Variants in FAM227B observed in about 807,000 individuals in gnomAD.
FAM227B encodes family with sequence similarity 227 member B.
A neutral mutation model predicts 73.8 loss-of-function variants in FAM227B; 88 were observed. The observed-to-expected ratio is 1.19, with a 90% CI of 1.00 to 1.42. FAM227B has a LOEUF of 1.42. Among genes scored for constraint, FAM227B ranks in the 40% most tolerant of loss-of-function variants. The pLI, the probability that FAM227B is intolerant of heterozygous loss-of-function variation, is 0.00. For synonymous variants in FAM227B, 210 were observed against 190.5 expected, an observed-to-expected ratio of 1.10 and a Z score of -0.84; for missense variants, 632 against 590.9, an observed-to-expected ratio of 1.07 and a Z score of -0.72.
intron 11 of FAM227B, among the ~76,000 whole-genome samples, chr15:49,402,912 G>A (rs974558455): frequency 1.3e-5 from 2 of 152,114 alleles, no homozygotes; most frequent in African/African-American, 4.8e-5. Context: ...TATTGGCTGT[G>A]GGTCTGTCAT....
intron 5 of FAM227B, among the ~76,000 whole-genome samples, chr15:49,583,276 A>G (rs571960256): frequency 6.6e-6 from 1 of 152,204 alleles, no homozygotes; most frequent in East Asian, 1.9e-4. Context: ...TCAAATAAAC[A>G]CAATCAGAAA....
chr15:49,476,845 G>A (rs530204073), intron 11 of FAM227B, among the ~76,000 whole-genome samples: 1 of 152,096 alleles, frequency 6.6e-6, no homozygotes, highest in East Asian at 1.9e-4. Flanking sequence ...AGATCACAAG[G>A]TCAGGAGATT....
At chr15:49,489,873 T>TA (rs2056889537) in intron 11 of FAM227B, among the ~76,000 whole-genome samples, 3 of 15,882 alleles carry the variant, frequency 1.9e-4, no homozygotes, top group East Asian at 2.2e-3. Flanking sequence ...TATATATATA[T>TA]ATATATATAT....
chr15:49,380,454 G>A lies in FAM227B; in HGVS notation c.1013-9055C>T, dbSNP rs533202296. Among the ~76,000 whole-genome samples, 146 of 151,300 alleles carry A rather than the reference G, an allele frequency of 9.6e-4. 5 individuals carry two copies. In the South Asian group the frequency reaches 0.028, roughly 29 times the overall value. On this transcript the variant is annotated intron_variant, in intron 11 of 15. Coordinates refer to ENST00000299338, the MANE Select transcript of FAM227B (RefSeq NM_152647.3). ...TGCTTTTCTCAAGCAGGAGTTTTGCGTTGATTAAAAAAAAATATATTTAAT... is the reference window on the plus strand; with the variant it reads ...TGCTTTTCTCAAGCAGGAGTTTTGCATTGATTAAAAAAAAATATATTTAAT...
At chr15:49,394,268 G>A (rs1351704464) in intron 11 of FAM227B, among the ~76,000 whole-genome samples, 3 of 152,106 alleles carry the variant, frequency 2.0e-5, no homozygotes, top group African/African-American at 7.2e-5. Flanking sequence ...GCTGACCTTA[G>A]GTAGGAGCAA....
chr15:49,600,654 CAAA>C (rs776786703), intron 3 of FAM227B, among the ~76,000 whole-genome samples: 2 of 107,226 alleles, frequency 1.9e-5, no homozygotes. Context: ...GACCACATCT[CAAA>C]AAAAAAAAAA....
At chr15:49,421,550 C>G (rs1200067092) in intron 11 of FAM227B, among the ~76,000 whole-genome samples, 1 of 152,192 alleles carries the variant, frequency 6.6e-6, no homozygotes, top group African/African-American at 2.4e-5. Context: ...TGCTAACAAA[C>G]TATCCATTTC....
chr15:49,547,186 A>G (rs1162642732), intron 9 of FAM227B, among the ~76,000 whole-genome samples: 1 of 152,208 alleles, frequency 6.6e-6, no homozygotes, highest in African/African-American at 2.4e-5. Flanking sequence ...ATTAAGCCTC[A>G]TAAGTGAAGG....
At chr15:49,598,972 G>A (rs1382433976) in intron 3 of FAM227B, among the ~76,000 whole-genome samples, 1 of 152,016 alleles carries the variant, frequency 6.6e-6, no homozygotes, top group African/African-American at 2.4e-5. Context: ...AAATTTGAAA[G>A]TATTCTTTCC....
At chr15:49,565,146 G>A (rs184067735) in intron 9 of FAM227B, among the ~76,000 whole-genome samples, 3 of 152,218 alleles carry the variant, frequency 2.0e-5, no homozygotes, top group South Asian at 2.1e-4. Context: ...CACTTTGGGA[G>A]GCTGAGGTGG....
intron 13 of FAM227B, among the ~76,000 whole-genome samples, chr15:49,355,468 T>A (rs1210748751): frequency 6.6e-6 from 1 of 152,000 alleles, no homozygotes; most frequent in South Asian, 2.1e-4. Context: ...GCCGATGCGA[T>A]CAACTGGAAG....
chr15:49,375,358 T>A (rs1022438111), intron 11 of FAM227B, among the ~76,000 whole-genome samples: 14 of 152,192 alleles, frequency 9.2e-5, no homozygotes, highest in Admixed American at 6.5e-4. Context: ...AAGTGCCATC[T>A]TATTATTACT....
intron 11 of FAM227B, among the ~76,000 whole-genome samples, chr15:49,503,381 TA>T (rs1339724950): frequency 6.6e-6 from 1 of 152,132 alleles, no homozygotes; most frequent in Admixed American, 6.5e-5. Context: ...ACTTCATGTC[TA>T]AAACACCAAA....
intron 10 of FAM227B, among the ~76,000 whole-genome samples, chr15:49,520,024 T>A (rs1223642063): frequency 6.6e-6 from 1 of 152,200 alleles, no homozygotes; most frequent in East Asian, 1.9e-4. Context: ...AATGCTTTGC[T>A]GCTTAGAAAT....
At chr15:49,580,795 T>C (rs1420991199) in intron 5 of FAM227B, among the ~76,000 whole-genome samples, 3 of 152,236 alleles carry the variant, frequency 2.0e-5, no homozygotes, top group East Asian at 3.9e-4. Flanking sequence ...AGAACCAAAC[T>C]GAACTGACAG....
chr15:49,339,317 A>G lies in FAM227B; in HGVS notation c.1272-3821T>C, dbSNP rs753856504. Among the ~76,000 whole-genome samples the G allele has an allele frequency of 3.8e-4, 58 of 152,048 alleles. 1 individual carries two copies. The highest frequency in any genetic ancestry group is 1.5e-3 in the South Asian group (7 of 4,820). Reference sequence around the variant, plus strand: ...TGGTGACCTTTGGATGGGGTCTCTGAGTGGACATCCTTTTTGTTGATGTTG... The same window carrying G: ...TGGTGACCTTTGGATGGGGTCTCTGGGTGGACATCCTTTTTGTTGATGTTG... On this transcript the variant is annotated intron_variant, in intron 13 of 15. Transcript: ENST00000299338.
chr15:49,436,420 C>T (rs2051110638), intron 11 of FAM227B, among the ~76,000 whole-genome samples: 1 of 151,484 alleles, frequency 6.6e-6, no homozygotes, highest in Non-Finnish European at 1.5e-5. Context: ...TTTATCAACA[C>T]AAGCTGGTTA....
Position 49,417,669 on chromosome 15 carries a change from CTAAAGATGGAT to C in FAM227B, c.1013-46281_1013-46271del, listed in dbSNP as rs547077709. On this transcript the variant is annotated intron_variant, in intron 11 of 15. Transcript: ENST00000299338. ...TCCTTGCACCACGTACAAAAATAAACTAAAGATGGATTAAAGACTTAAATGTAAAACTTAAA... is the reference window on the plus strand; with the variant it reads ...TCCTTGCACCACGTACAAAAATAAACTAAAGACTTAAATGTAAAACTTAAA... Among the ~76,000 whole-genome samples, 137 of 152,162 alleles carry C rather than the reference CTAAAGATGGAT, an allele frequency of 9.0e-4. 5 individuals are homozygous for C. In the South Asian group the frequency reaches 0.027, roughly 30 times the overall value.
chr15:49,411,984 A>G (rs142820879), intron 11 of FAM227B, among the ~76,000 whole-genome samples: 2,051 of 152,226 alleles, frequency 0.013, 22 homozygotes, highest in Non-Finnish European at 0.019. Context: ...ATATTCTTTT[A>G]TTGATTCAAT....
Sources: gnomAD v4.1 joint callset for allele counts (sites outside exome capture counted in the v4.1 genomes callset) on GRCh38, gnomAD v4.1.1 for gene constraint, MANE v1.5 for transcripts, NCBI Gene and HGNC (gene_info 2026-07-23, HGNC 2026-07-21) for gene names.